NRXN1: variants seen among roughly 807,000 people sequenced by gnomAD.
NRXN1 encodes the protein neurexin 1, also known as neurexin-1.
A neutral mutation model predicts 150.9 loss-of-function variants in NRXN1; 39 were observed. The ratio of observed to expected loss-of-function variants is 0.26; its 90% CI spans 0.20 to 0.34. The LOEUF (loss-of-function observed/expected upper bound fraction) is 0.34. Among genes scored for constraint, NRXN1 ranks in the 10% least tolerant of loss-of-function variants. NRXN1 has a pLI of 1.00. For synonymous variants in NRXN1, 924 were observed against 757.0 expected, an observed-to-expected ratio of 1.22 and a Z score of -3.62; for missense variants, 1,815 against 1,949.9, an observed-to-expected ratio of 0.93 and a Z score of 1.30.
chr2:50,039,441 G>A (rs947106989), intron 21 of NRXN1, among the ~76,000 whole-genome samples: 1 of 152,174 alleles, frequency 6.6e-6, no homozygotes, highest in Non-Finnish European at 1.5e-5. Flanking sequence ...ACTGCAGCTT[G>A]GACAACAGAG....
chr2:50,059,774 A>G (rs1215703197), intron 19 of NRXN1, among the ~76,000 whole-genome samples: 3 of 152,234 alleles, frequency 2.0e-5, no homozygotes, highest in Non-Finnish European at 4.4e-5. Flanking sequence ...GTTGCTTCAG[A>G]GGGTGCAAGC....
At chr2:50,939,545 A>T (rs1042385187) in intron 2 of NRXN1, among the ~76,000 whole-genome samples, 1 of 152,110 alleles carries the variant, frequency 6.6e-6, no homozygotes, top group Admixed American at 6.6e-5. Context: ...TTTTAGGATG[A>T]TCTCAAGCAA....
At chr2:50,926,032 C>A in intron 2 of NRXN1, 77 bp from the exon 3 acceptor site, 1 of 1,154,860 alleles carries the variant, frequency 8.7e-7, no homozygotes, top group South Asian at 1.3e-5. Flanking sequence ...CTTGCCTTTG[C>A]ATGTCTTCCT....
intron 5 of NRXN1, among the ~76,000 whole-genome samples, chr2:50,823,246 ATTAT>A (rs1196128261): frequency 6.6e-6 from 1 of 152,190 alleles, no homozygotes; most frequent in African/African-American, 2.4e-5. Context: ...AACCAAAGAG[ATTAT>A]TTAAAGTCTA....
At chr2:51,017,193 T>C (rs1161159145) in intron 2 of NRXN1, among the ~76,000 whole-genome samples, 1 of 152,044 alleles carries the variant, frequency 6.6e-6, no homozygotes, top group Non-Finnish European at 1.5e-5. Context: ...CCATGGCACG[T>C]GTATACCTAT....
chr2:50,079,415 G>C (rs1166888921), intron 19 of NRXN1, among the ~76,000 whole-genome samples: 1 of 152,008 alleles, frequency 6.6e-6, no homozygotes, highest in Non-Finnish European at 1.5e-5. Context: ...GCAGAATTGA[G>C]TAATTGTGAC....
intron 19 of NRXN1, among the ~76,000 whole-genome samples, chr2:50,082,179 T>G (rs1213684014): frequency 1.3e-5 from 2 of 152,218 alleles, no homozygotes; most frequent in Non-Finnish European, 2.9e-5. Context: ...GATTAATTCA[T>G]TTTTTGTAAC....
At chr2:50,560,859 A>G (rs1174482644) in intron 8 of NRXN1, among the ~76,000 whole-genome samples, 2 of 152,186 alleles carry the variant, frequency 1.3e-5, no homozygotes, top group Admixed American at 1.3e-4. Flanking sequence ...AATATTTTCA[A>G]TAAAATATGT....
chr2:50,322,156 G>C (rs1349562720), intron 17 of NRXN1, among the ~76,000 whole-genome samples: 1 of 152,096 alleles, frequency 6.6e-6, no homozygotes. Flanking sequence ...TGGAGACAAG[G>C]GCTAACTAGA....
chr2:50,206,757 A>G (rs557238705), intron 18 of NRXN1, among the ~76,000 whole-genome samples: 36 of 151,772 alleles, frequency 2.4e-4, no homozygotes, highest in Middle Eastern at 3.4e-3. Flanking sequence ...ATGTTAACAA[A>G]GCAAAGTTAT....
At chr2:50,072,653 T>G (rs897367224) in intron 19 of NRXN1, among the ~76,000 whole-genome samples, 1 of 152,000 alleles carries the variant, frequency 6.6e-6, no homozygotes, top group Non-Finnish European at 1.5e-5. Context: ...AATGTTTATC[T>G]TCTACTCAAA....
At chr2:50,996,779 C>G (rs1558557395) in intron 2 of NRXN1, among the ~76,000 whole-genome samples, 1 of 152,016 alleles carries the variant, frequency 6.6e-6, no homozygotes, top group Non-Finnish European at 1.5e-5. Flanking sequence ...TAACCTCCTT[C>G]TATATCATCT....
rs1482246739 is a variant in NRXN1, at chr2:50,642,620, T to C, written c.833-19005A>G. On this transcript the variant is annotated intron_variant, in intron 5 of 22. Coordinates refer to ENST00000401669, the MANE Select transcript of NRXN1 (RefSeq NM_001330078.2). ...AGAATATCCATCTTAAAGTGAATGG[T>C]GAATTATTGATTGGCATGGATTTAG... is the stretch of plus-strand genomic sequence containing the variant. 2.0e-5 allele frequency among the ~76,000 whole-genome samples: 3 copies of C among 152,048 alleles called. No homozygotes were observed. The South Asian group carries it at 6.2e-4, about 32-fold the overall frequency.
At chr2:50,139,318 T>G (rs72881232) in intron 18 of NRXN1, among the ~76,000 whole-genome samples, 24,374 of 130,698 alleles carry the variant, frequency 0.19, 2,503 homozygotes, top group East Asian at 0.37. Flanking sequence ...GAGCGAGACT[T>G]GGTATCAAAA....
chr2:50,095,642 G>T (rs924097576), intron 18 of NRXN1, among the ~76,000 whole-genome samples: 16 of 152,034 alleles, frequency 1.1e-4, no homozygotes, highest in Non-Finnish European at 1.9e-4. Context: ...AATATGAAAT[G>T]CAAAATGCTC....
chr2:50,449,214 A>C (rs2086738388), intron 17 of NRXN1, among the ~76,000 whole-genome samples: 1 of 152,264 alleles, frequency 6.6e-6, no homozygotes, highest in Non-Finnish European at 1.5e-5. Flanking sequence ...GCATGCATTT[A>C]GCCTGCTAAA....
At chr2:50,328,144 G>A (rs1194244202) in intron 17 of NRXN1, among the ~76,000 whole-genome samples, 1 of 152,078 alleles carries the variant, frequency 6.6e-6, no homozygotes, top group Non-Finnish European at 1.5e-5. Context: ...ATATGACCTA[G>A]GGTGGCTTTG....
chr2:50,050,335 T>G (rs17039714), intron 21 of NRXN1, among the ~76,000 whole-genome samples: 37 of 152,144 alleles, frequency 2.4e-4, no homozygotes, highest in African/African-American at 8.7e-4. Context: ...TCTCATCTAT[T>G]TGAAATGAGT....
chr2:50,935,958 C>A (rs982629254), intron 2 of NRXN1, among the ~76,000 whole-genome samples: 10 of 152,082 alleles, frequency 6.6e-5, no homozygotes, highest in African/African-American at 2.4e-4. Flanking sequence ...GATTAAATAT[C>A]TTTAATGATT....
Sources: allele counts gnomAD v4.1 joint callset (sites outside exome capture counted in the v4.1 genomes callset), GRCh38; gene constraint gnomAD v4.1.1; transcripts MANE v1.5; gene names NCBI Gene and HGNC (gene_info 2026-07-23, HGNC 2026-07-21).